The following RFX2 variants were observed in gnomAD, a reference collection of about 807,000 sequenced individuals.
RFX2 encodes regulatory factor X2, also known as DNA-binding protein RFX2.
A neutral mutation model predicts 87.8 loss-of-function variants in RFX2; 20 were observed. That is an observed-to-expected ratio of 0.23 (90% CI 0.16 to 0.33). The LOEUF (loss-of-function observed/expected upper bound fraction) is 0.33, where lower values mean the gene tolerates loss of function less well. Among genes scored for constraint, RFX2 ranks in the 10% least tolerant of loss-of-function variants. RFX2 has a pLI of 1.00. For missense variants in RFX2, 767 were observed against 1,012.3 expected (o/e 0.76, Z 3.29); for synonymous variants, 397 against 431.3 (o/e 0.92, Z 0.98).
At chr19:6,048,585 C>T (rs2087227768) in intron 1 of RFX2, among the ~76,000 whole-genome samples, 2 of 152,188 alleles carry the variant, frequency 1.3e-5, no homozygotes, top group African/African-American at 4.8e-5. Context: ...CTCCTGCCTG[C>T]TGGGGGTGGT....
At chr19:6,042,196 C>T (rs759108809) in intron 3 of RFX2, 73 bp from the exon 4 acceptor site, 21 of 1,331,984 alleles carry the variant, frequency 1.6e-5, no homozygotes, top group African/African-American at 2.9e-5. Context: ...TCAAGCTAGA[C>T]GTGTCTTCTA....
rs904944822 is a variant in RFX2, at chr19:6,050,084, C to T, written c.-8-2580G>A. The stretch of plus-strand genomic sequence containing the variant: ...TACACCTGAATCTTTGGCTAAGCAA[C>T]TACACCACAAAGGTGTGGGGGAGAT... On this transcript the variant is annotated intron_variant, in intron 1 of 17. Transcript: ENST00000303657. The surrounding 1 kb of genome is among the most constrained non-coding windows in gnomAD (Gnocchi z 4.6). Among the ~76,000 whole-genome samples the T allele has an allele frequency of 9.9e-5, 15 of 152,218 alleles. No individual in the cohort carries two copies. Among genetic ancestry groups the T allele is most frequent in the Non-Finnish European group, 1.9e-4 (13 of 68,026 alleles).
At chr19:6,052,334 C>T (rs1308832499) in intron 1 of RFX2, among the ~76,000 whole-genome samples, 1 of 152,118 alleles carries the variant, frequency 6.6e-6, no homozygotes. Context: ...ATCAGTATGA[C>T]ATATTGATTA....
chr19:6,093,898 CA>C (rs1457220862), intron 1 of RFX2, among the ~76,000 whole-genome samples: 1 of 152,084 alleles, frequency 6.6e-6, no homozygotes, highest in Non-Finnish European at 1.5e-5. Context: ...GGCAAATCCA[CA>C]AAGACAGAAA....
chr19:6,100,650 C>G (rs891803058), intron 1 of RFX2, among the ~76,000 whole-genome samples: 1 of 152,052 alleles, frequency 6.6e-6, no homozygotes, highest in South Asian at 2.1e-4. Flanking sequence ...AGTTTCCTGA[C>G]CGGAAGTCTA....
intron 1 of RFX2, among the ~76,000 whole-genome samples, chr19:6,091,617 A>G (rs2087936447): frequency 6.6e-6 from 1 of 152,246 alleles, no homozygotes; most frequent in African/African-American, 2.4e-5. Flanking sequence ...TCTCATAATT[A>G]TGAGAAAATT....
intron 5 of RFX2, among the ~76,000 whole-genome samples, chr19:6,034,353 C>T (rs192343960): frequency 6.6e-6 from 1 of 151,936 alleles, no homozygotes; most frequent in Non-Finnish European, 1.5e-5. Context: ...CTCAGCCTCC[C>T]GATGAGCTGG....
At chr19:6,067,671 G>A (rs2087533250) in intron 1 of RFX2, among the ~76,000 whole-genome samples, 1 of 152,222 alleles carries the variant, frequency 6.6e-6, no homozygotes, top group Admixed American at 6.5e-5. Context: ...AGAGGGTGAA[G>A]TGGCACCACC....
At chr19:6,094,275 G>A (rs1016325586) in intron 1 of RFX2, among the ~76,000 whole-genome samples, 4 of 151,776 alleles carry the variant, frequency 2.6e-5, no homozygotes, top group African/African-American at 7.3e-5. Context: ...TGATGAAAAC[G>A]TAAGACTTTT....
Position 6,010,327 on chromosome 19 carries a change from G to A in RFX2, c.900-76C>T. On this transcript the variant is annotated intron_variant, in intron 8 of 17. Coordinates refer to ENST00000303657, the MANE Select transcript of RFX2 (RefSeq NM_000635.4). This position sits in a 1 kb window ranked among gnomAD's most constrained non-coding sequence, Gnocchi z 5.0. ...GTGGGCCCAAAGACTGGGGGGCTGG[G>A]CAGGATTCAGTCAGGCATGTGTGTG... is the stretch of plus-strand genomic sequence containing the variant. The A allele has an allele frequency of 3.2e-6, 3 of 925,710 alleles. No individual in the cohort carries two copies. In the Admixed American group the frequency reaches 6.1e-5, roughly 19 times the overall value. 57.3% of individuals were successfully genotyped at this position (925,710 alleles called of 1,614,324 possible).
At chr19:6,065,772 G>A (rs2087501075) in intron 1 of RFX2, among the ~76,000 whole-genome samples, 1 of 152,004 alleles carries the variant, frequency 6.6e-6, no homozygotes, top group Non-Finnish European at 1.5e-5. Flanking sequence ...AAAGTGAATC[G>A]TCCTTAAAAA....
At position 6,026,489 on chromosome 19, in the gene RFX2, T is replaced by C; in HGVS notation, c.523-252A>G. ...GCCCGTCCAACAGAAGCAGCAGAAA[T>C]CATGTTGTAAAAACTTGCTACTGAA... On this transcript the variant is annotated intron_variant, in intron 5 of 17. Coordinates refer to ENST00000303657, the MANE Select transcript of RFX2 (RefSeq NM_000635.4). The surrounding 1 kb of genome is among the most constrained non-coding windows in gnomAD (Gnocchi z 4.5). 1.8e-6 allele frequency: 1 copy of C among 559,108 alleles called. No individual in the cohort carries two copies. 34.6% of individuals were successfully genotyped at this position (559,108 alleles called of 1,614,324 possible).
rs1488149423 is a variant in RFX2, at chr19:6,012,672, G to T, written c.899+314C>A. ...GAGAGGCGGTGGGGAGCGGGGCTGG[G>T]GGTGTAGAACAACTCTCTGTACTTT... On this transcript the variant is annotated intron_variant, in intron 8 of 17. Transcript: ENST00000303657. The surrounding 1 kb of genome is among the most constrained non-coding windows in gnomAD (Gnocchi z 4.6). 6.6e-6 allele frequency among the ~76,000 whole-genome samples: 1 copy of T among 152,080 alleles called. No homozygotes were observed. The highest frequency in any genetic ancestry group is 1.5e-5 in the Non-Finnish European group (1 of 68,008).
At chr19:6,091,398 T>C (rs895461150) in intron 1 of RFX2, among the ~76,000 whole-genome samples, 4 of 150,828 alleles carry the variant, frequency 2.7e-5, no homozygotes, top group Non-Finnish European at 4.4e-5. Flanking sequence ...CAATAAGCCA[T>C]GATCGCACCA....
Position 6,001,710 on chromosome 19 carries a change from G to T in RFX2, c.1859+105C>A. On this transcript the variant is annotated intron_variant, in intron 15 of 17. Transcript: ENST00000303657. The surrounding 1 kb of genome is among the most constrained non-coding windows in gnomAD (Gnocchi z 5.6). ...TCAGACACTGCTGCAACTCTGCTGA[G>T]CCCTGTTTTGCTCTGAGCTCACCAG... 1.0e-6 allele frequency: 1 copy of T among 960,596 alleles called. No individual in the cohort carries two copies. Among genetic ancestry groups the T allele is most frequent in the Non-Finnish European group, 1.5e-6 (1 of 657,340 alleles). 59.5% of individuals were successfully genotyped at this position (960,596 alleles called of 1,614,324 possible).
intron 1 of RFX2, among the ~76,000 whole-genome samples, chr19:6,052,397 A>C (rs2087278466): frequency 6.6e-6 from 1 of 152,242 alleles, no homozygotes; most frequent in South Asian, 2.1e-4. Context: ...AGTAAAAATT[A>C]ACAAAACTAA....
In RFX2 at chr19:6,063,848, A is replaced by G. The variant is rs1447599574; in HGVS notation, c.-8-16344T>C. Among the ~76,000 whole-genome samples, 1 of 152,156 alleles carries G rather than the reference A, an allele frequency of 6.6e-6. No individual in the cohort carries two copies. The highest frequency in any genetic ancestry group is 1.5e-5 in the Non-Finnish European group (1 of 68,014). ...CCCCGACCCCTGTCTGACAGCCACA[A>G]ATGTCTCCAGACATCGCCCAGTGTC... On this transcript the variant is annotated intron_variant, in intron 1 of 17. Transcript: ENST00000303657. This position sits in a 1 kb window ranked among gnomAD's most constrained non-coding sequence, Gnocchi z 4.0.
chr19:6,091,060 T>A lies in RFX2; in HGVS notation c.-9+19333A>T, dbSNP rs2087926701. On this transcript the variant is annotated intron_variant, in intron 1 of 17. Coordinates refer to ENST00000303657, the MANE Select transcript of RFX2 (RefSeq NM_000635.4). ...TTGCCAGGGGCTGGGAGTAGGGGAC[T>A]GTGATCGACTTCTAATAGGTATGGA... Among the ~76,000 whole-genome samples, 3 of 152,298 alleles carry A rather than the reference T, an allele frequency of 2.0e-5. No individual in the cohort carries two copies. The South Asian group carries it at 6.2e-4, about 32-fold the overall frequency.
intron 1 of RFX2, among the ~76,000 whole-genome samples, chr19:6,069,811 G>C (rs918493218): frequency 2.6e-5 from 4 of 152,200 alleles, no homozygotes; most frequent in Admixed American, 6.5e-5. Flanking sequence ...AGGAGGACCA[G>C]ATGGCTCTTT....
Sources: allele counts gnomAD v4.1 joint callset (sites outside exome capture counted in the v4.1 genomes callset), GRCh38; gene constraint gnomAD v4.1.1; non-coding constraint Gnocchi (gnomAD v3.1); transcripts MANE v1.5; gene names NCBI Gene and HGNC (gene_info 2026-07-23, HGNC 2026-07-21).